The following PEX5L variants were observed in gnomAD, a reference collection of about 807,000 sequenced individuals.
PEX5L encodes peroxisomal biogenesis factor 5 like, also known as PEX5-related protein.
Under a neutral mutation model 84.0 loss-of-function variants are expected in PEX5L, and 30 were observed. That is an observed-to-expected ratio of 0.36 (90% confidence interval 0.27 to 0.48). PEX5L has a LOEUF of 0.48. Among genes scored for constraint, PEX5L ranks in the 20% least tolerant of loss-of-function variants. The pLI, the probability that PEX5L is intolerant of heterozygous loss-of-function variation, is 0.99. For missense variants in PEX5L, 533 were observed against 754.6 expected (o/e 0.71, Z 3.44); for synonymous variants, 270 against 283.1 (o/e 0.95, Z 0.46).
intron 1 of PEX5L, among the ~76,000 whole-genome samples, chr3:179,997,303 G>C (rs565204281): frequency 6.6e-6 from 1 of 152,120 alleles, no homozygotes; most frequent in Non-Finnish European, 1.5e-5. Context: ...GTTAAAGTAG[G>C]GGCTTATGGA....
chr3:179,870,769 C>G (rs1750037666), intron 7 of PEX5L, among the ~76,000 whole-genome samples: 2 of 152,170 alleles, frequency 1.3e-5, no homozygotes, highest in Admixed American at 1.3e-4. Context: ...GTTTGCATGC[C>G]TTTCCTCCTG....
intron 1 of PEX5L, chr3:179,973,449 T>C: frequency 1.8e-6 from 2 of 1,124,118 alleles, no homozygotes; most frequent in Non-Finnish European, 2.2e-6. Flanking sequence ...TTTCTTTTTC[T>C]AACTAATTTT....
At chr3:179,947,156 C>G (rs1202212746) in intron 2 of PEX5L, among the ~76,000 whole-genome samples, 1 of 152,128 alleles carries the variant, frequency 6.6e-6, no homozygotes, top group Non-Finnish European at 1.5e-5. Context: ...TGGCCTTTCT[C>G]AGTTCCACAG....
chr3:180,034,460 A>T (rs1791718433), intron 1 of PEX5L, among the ~76,000 whole-genome samples: 1 of 152,154 alleles, frequency 6.6e-6, no homozygotes. Context: ...TGATAAGGAA[A>T]CGTTATTTTG....
chr3:179,887,594 T>C, intron 4 of PEX5L, 79 bp downstream of exon 4: 3 of 895,238 alleles, frequency 3.4e-6, no homozygotes, highest in Non-Finnish European at 5.5e-6. Context: ...TCACTTAAAA[T>C]GTATTATGGA....
intron 1 of PEX5L, among the ~76,000 whole-genome samples, chr3:180,001,114 G>A (rs1246087087): frequency 6.6e-6 from 1 of 152,016 alleles, no homozygotes; most frequent in Non-Finnish European, 1.5e-5. Context: ...ATACAAAGCA[G>A]GCAGGAAAAT....
chr3:180,036,691 A>G lies in PEX5L; in HGVS notation c.-92T>C. The G allele has an allele frequency of 6.9e-7, 1 of 1,450,298 alleles. No homozygotes were observed. Among genetic ancestry groups the G allele is most frequent in the Non-Finnish European group, 9.7e-7 (1 of 1,030,882 alleles). The allele number at this position is 1,450,298 out of a possible 1,614,324, so 89.8% of individuals were successfully genotyped here. ...CCAAAAGAGGGGAAAAGGTGGGTGCACAGCGGGTTCTCAGAGGGTGCTCCT... is the reference window on the plus strand; with the variant it reads ...CCAAAAGAGGGGAAAAGGTGGGTGCGCAGCGGGTTCTCAGAGGGTGCTCCT... On this transcript the variant is annotated 5_prime_UTR_variant, in exon 1 of 15. Coordinates refer to ENST00000467460, the MANE Select transcript of PEX5L (RefSeq NM_016559.3).
rs961624980 is a variant in PEX5L at position 179,808,937 on chromosome 3, G to A, written c.1353-500C>T. 9.9e-5 allele frequency among the ~76,000 whole-genome samples: 15 copies of A among 151,916 alleles called. 1 individual carries two copies. The highest frequency in any genetic ancestry group is 6.8e-3 in the Middle Eastern group (2 of 294). ...AAAATACAAAAAATTAGCCGGGCGT[G>A]TTGGCGGGCCCTTGTAGTCCCAGCT... On this transcript the variant is annotated intron_variant, in intron 12 of 14. Transcript: ENST00000467460.
At chr3:179,895,381 A>C (rs1758925049) in intron 3 of PEX5L, among the ~76,000 whole-genome samples, 1 of 152,108 alleles carries the variant, frequency 6.6e-6, no homozygotes, top group African/African-American at 2.4e-5. Context: ...GTCCAGAGAA[A>C]CTTTTTTTCC....
intron 8 of PEX5L, 189 bp from the exon 9 acceptor site, chr3:179,820,165 C>A: frequency 7.4e-6 from 5 of 677,484 alleles, no homozygotes; most frequent in Non-Finnish European, 1.2e-5. Flanking sequence ...AGTGGATTAG[C>A]TGTGGTTTTC....
At chr3:179,871,725 A>T (rs188116747) in intron 7 of PEX5L, among the ~76,000 whole-genome samples, 67 of 152,102 alleles carry the variant, frequency 4.4e-4, no homozygotes, top group African/African-American at 1.6e-3. Flanking sequence ...TCTGTTCCTC[A>T]CTTCAGTTTT....
At chr3:180,018,409 C>A (rs1374287958) in intron 1 of PEX5L, among the ~76,000 whole-genome samples, 2 of 152,194 alleles carry the variant, frequency 1.3e-5, no homozygotes, top group Non-Finnish European at 2.9e-5. Flanking sequence ...TGCTTTACCA[C>A]TAACCGGCTG....
chr3:179,981,528 C>G (rs960328454), intron 1 of PEX5L, among the ~76,000 whole-genome samples: 3 of 152,124 alleles, frequency 2.0e-5, no homozygotes, highest in Non-Finnish European at 4.4e-5. Flanking sequence ...CATGAGATTA[C>G]TTTTTCAACA....
intron 2 of PEX5L, among the ~76,000 whole-genome samples, chr3:179,946,460 G>C (rs960600834): frequency 2.6e-5 from 4 of 152,134 alleles, no homozygotes; most frequent in Non-Finnish European, 5.9e-5. Flanking sequence ...GTCAAACACA[G>C]AGACTGAAGA....
intron 1 of PEX5L, among the ~76,000 whole-genome samples, chr3:179,976,453 G>C (rs529847915): frequency 4.6e-5 from 7 of 151,946 alleles, no homozygotes; most frequent in South Asian, 2.1e-4. Context: ...GGAGGGGTGT[G>C]GGGGGAAGGA....
chr3:179,933,068 T>A (rs887680342), intron 2 of PEX5L, among the ~76,000 whole-genome samples: 1 of 152,094 alleles, frequency 6.6e-6, no homozygotes, highest in Non-Finnish European at 1.5e-5. Context: ...CTTCTATGAG[T>A]TCAATTTTTT....
chr3:179,901,130 G>T (rs115502525), intron 2 of PEX5L, among the ~76,000 whole-genome samples: 1,569 of 152,274 alleles, frequency 0.01, 35 homozygotes, highest in African/African-American at 0.036. Flanking sequence ...CAGCAGCTCT[G>T]CAGGGCTGAT....
chr3:179,954,211 G>GA (rs199948097), intron 2 of PEX5L, among the ~76,000 whole-genome samples: 2 of 134,910 alleles, frequency 1.5e-5, no homozygotes, highest in Non-Finnish European at 3.3e-5. Context: ...AGTCGGGGGG[G>GA]GGGGAAAAAG....
chr3:180,001,129 A>G (rs1331607736), intron 1 of PEX5L, among the ~76,000 whole-genome samples: 1 of 151,974 alleles, frequency 6.6e-6, no homozygotes, highest in Non-Finnish European at 1.5e-5. Context: ...GAAAATGTGA[A>G]AAGACTAGAC....
Sources: allele counts gnomAD v4.1 joint callset (sites outside exome capture counted in the v4.1 genomes callset), GRCh38; gene constraint gnomAD v4.1.1; transcripts MANE v1.5; gene names NCBI Gene and HGNC (gene_info 2026-07-23, HGNC 2026-07-21).